Variants in CTNNA3 observed in about 807,000 individuals in gnomAD.
The protein encoded by CTNNA3 is catenin alpha 3, also known as catenin alpha-3.
CTNNA3 carries 76 observed loss-of-function variants against 95.7 expected under a neutral mutation model. The ratio of observed to expected loss-of-function variants is 0.79; its 90% CI spans 0.66 to 0.96. CTNNA3 has a LOEUF of 0.96. CTNNA3 is among the 40% of genes least tolerant of loss of function. The pLI is 0.00. For synonymous variants in CTNNA3, 431 were observed against 374.4 expected, an observed-to-expected ratio of 1.15 and a Z score of -1.74; for missense variants, 1,191 against 1,089.8, an observed-to-expected ratio of 1.09 and a Z score of -1.31.
In CTNNA3 at chr10:67,585,899, C is replaced by A. The variant is rs116706199; in HGVS notation, c.292+20958G>T. Among the ~76,000 whole-genome samples, 1,356 of 151,630 alleles carry A rather than the reference C, an allele frequency of 8.9e-3. 21 individuals carry two copies. The highest frequency in any genetic ancestry group is 0.031 in the African/African-American group (1,289 of 41,392). On this transcript the variant is annotated intron_variant, in intron 3 of 17. Coordinates refer to ENST00000433211, the MANE Select transcript of CTNNA3 (RefSeq NM_013266.4). ...TTTGTTTGTTTTTACTTTTCTAGTT[C>A]CTTGAAGTGTTATTAGATTATAAAT...
chr10:66,318,961 C>T (rs764344515), intron 12 of CTNNA3, among the ~76,000 whole-genome samples: 19 of 151,842 alleles, frequency 1.3e-4, no homozygotes, highest in Non-Finnish European at 1.9e-4. Context: ...TTTAAGAGCA[C>T]TCGTTCACGC....
chr10:66,106,980 C>T (rs549695624), intron 13 of CTNNA3, among the ~76,000 whole-genome samples: 41 of 152,246 alleles, frequency 2.7e-4, no homozygotes, highest in African/African-American at 8.9e-4. Context: ...AATATAATTA[C>T]CCATGCACTG....
intron 2 of CTNNA3, among the ~76,000 whole-genome samples, chr10:67,643,031 C>T (rs112521378): frequency 0.13 from 20,056 of 151,904 alleles, 2,386 homozygotes; most frequent in African/African-American, 0.32. Flanking sequence ...TGCATGTTCA[C>T]TGCAGCACTA....
intron 1 of CTNNA3, among the ~76,000 whole-genome samples, chr10:67,748,465 AAAG>A (rs1841385030): frequency 6.6e-6 from 1 of 152,212 alleles, no homozygotes; most frequent in Non-Finnish European, 1.5e-5. Flanking sequence ...TTCTTAAAGA[AAAG>A]AATTTCCAAC....
chr10:66,525,054 A>T lies in CTNNA3; in HGVS notation c.1375-4281T>A, dbSNP rs984309207. 3.3e-5 allele frequency among the ~76,000 whole-genome samples: 5 copies of T among 152,092 alleles called. No individual in the cohort carries two copies. In the South Asian group the frequency reaches 1.0e-3, roughly 32 times the overall value. On this transcript the variant is annotated intron_variant, in intron 10 of 17. Coordinates refer to ENST00000433211, the MANE Select transcript of CTNNA3 (RefSeq NM_013266.4). ...ATAAGAGCAAAACTCCATTTCAAAT[A>T]AAAAAAAGAAAAGAAAAGAAAGAAA...
chr10:67,566,785 T>C (rs1277736280), intron 3 of CTNNA3, among the ~76,000 whole-genome samples: 10 of 152,056 alleles, frequency 6.6e-5, no homozygotes, highest in Admixed American at 2.0e-4. Flanking sequence ...TGTCCAACAA[T>C]GATAGACTGG....
At chr10:66,455,948 G>A (rs2093492359) in intron 11 of CTNNA3, among the ~76,000 whole-genome samples, 1 of 152,104 alleles carries the variant, frequency 6.6e-6, no homozygotes, top group South Asian at 2.1e-4. Flanking sequence ...AAGTTTAAAA[G>A]AAATACCATT....
At chr10:66,773,976 T>C (rs1840195130) in intron 8 of CTNNA3, among the ~76,000 whole-genome samples, 2 of 152,178 alleles carry the variant, frequency 1.3e-5, no homozygotes, top group Admixed American at 6.5e-5. Context: ...TACTAAACCA[T>C]GTTTGTTGTT....
At chr10:67,028,505 G>A (rs879725392) in intron 7 of CTNNA3, among the ~76,000 whole-genome samples, 1 of 151,890 alleles carries the variant, frequency 6.6e-6, no homozygotes, top group East Asian at 1.9e-4. Context: ...AAACTAGGAA[G>A]TAAAGACTTT....
chr10:66,316,462 G>A (rs1051357405), intron 12 of CTNNA3, among the ~76,000 whole-genome samples: 4 of 151,950 alleles, frequency 2.6e-5, no homozygotes. Flanking sequence ...ACAGGTGGCT[G>A]GAGCCTATCC....
intron 7 of CTNNA3, among the ~76,000 whole-genome samples, chr10:67,171,183 A>C (rs1862000970): frequency 6.6e-6 from 1 of 152,236 alleles, no homozygotes; most frequent in African/African-American, 2.4e-5. Context: ...GTACCACAAA[A>C]GGTCATGGTT....
At chr10:66,733,858 C>G (rs2132673497) in intron 9 of CTNNA3, among the ~76,000 whole-genome samples, 1 of 151,726 alleles carries the variant, frequency 6.6e-6, no homozygotes, top group East Asian at 1.9e-4. Flanking sequence ...GTAAAATAAA[C>G]CATGATAAAA....
At chr10:66,755,661 C>T (rs1022224954) in intron 9 of CTNNA3, among the ~76,000 whole-genome samples, 6 of 151,974 alleles carry the variant, frequency 3.9e-5, no homozygotes, top group African/African-American at 9.7e-5. Context: ...TCAGTAAATC[C>T]GCTTCTGGGT....
intron 7 of CTNNA3, among the ~76,000 whole-genome samples, chr10:66,955,727 C>T (rs1848755776): frequency 6.6e-6 from 1 of 152,136 alleles, no homozygotes; most frequent in Non-Finnish European, 1.5e-5. Flanking sequence ...CTCCATTGTT[C>T]TTCCTCTTCT....
intron 7 of CTNNA3, among the ~76,000 whole-genome samples, chr10:66,779,244 A>G (rs1246956950): frequency 2.0e-5 from 3 of 152,156 alleles, no homozygotes; most frequent in Non-Finnish European, 4.4e-5. Flanking sequence ...ATTCTCTGCA[A>G]TATGATTACA....
At chr10:66,337,805 T>C (rs1192106000) in intron 12 of CTNNA3, among the ~76,000 whole-genome samples, 1 of 152,062 alleles carries the variant, frequency 6.6e-6, no homozygotes, top group Non-Finnish European at 1.5e-5. Flanking sequence ...CTGATGGGAA[T>C]ATAAAATGGT....
intron 7 of CTNNA3, among the ~76,000 whole-genome samples, chr10:67,127,160 T>C (rs12259035): frequency 0.035 from 5,264 of 152,290 alleles, 292 homozygotes; most frequent in African/African-American, 0.11. Flanking sequence ...TTTTAACCCA[T>C]GTAAATAAAC....
chr10:66,935,763 G>A (rs575668070), intron 7 of CTNNA3, among the ~76,000 whole-genome samples: 2 of 150,954 alleles, frequency 1.3e-5, no homozygotes, highest in African/African-American at 2.5e-5. Context: ...AGTGTTTTAT[G>A]CGTTTCGTAA....
chr10:67,329,959 G>T (rs1352466468), intron 5 of CTNNA3, among the ~76,000 whole-genome samples: 4 of 152,204 alleles, frequency 2.6e-5, no homozygotes, highest in Admixed American at 6.5e-5. Flanking sequence ...CATAGTCCAA[G>T]ATGCCAGCTA....
Sources: allele counts gnomAD v4.1 joint callset (sites outside exome capture counted in the v4.1 genomes callset), GRCh38; gene constraint gnomAD v4.1.1; transcripts MANE v1.5; gene names NCBI Gene and HGNC (gene_info 2026-07-23, HGNC 2026-07-21).